The following ATP2B3 variants were observed in gnomAD, a reference collection of about 807,000 sequenced individuals.
ATP2B3 encodes the protein ATPase plasma membrane Ca2+ transporting 3.
In ATP2B3, 12 loss-of-function variants were observed where a neutral mutation model predicts 70.8. The observed-to-expected ratio is 0.17, with a 90% CI of 0.11 to 0.27. The LOEUF (loss-of-function observed/expected upper bound fraction) is 0.27, where lower values mean the gene tolerates loss of function less well. ATP2B3 is among the 10% of genes least tolerant of loss of function. The pLI is 1.00. For missense variants in ATP2B3, 858 were observed against 1,118.5 expected (o/e 0.77, Z 3.32); for synonymous variants, 460 against 497.8 (o/e 0.92, Z 1.01).
chrX:153,542,077 G>GT, intron 5 of ATP2B3, 151 bp downstream of exon 5: 1 of 385,548 alleles, frequency 2.6e-6, no homozygotes, highest in Non-Finnish European at 3.7e-6. Context: ...GGGGGTGGGG[G>GT]AGGTGGGGGA....
chrX:153,526,067 C>T (rs2090027794), intron 2 of ATP2B3, among the ~76,000 whole-genome samples: 1 of 112,589 alleles, frequency 8.9e-6, no homozygotes, highest in South Asian at 3.6e-4. Flanking sequence ...ATAGCACAAT[C>T]GTGGGAGGGG....
At chrX:153,518,929 C>T (rs1320374727) in intron 2 of ATP2B3, among the ~76,000 whole-genome samples, 1 of 111,931 alleles carries the variant, frequency 8.9e-6, no homozygotes, top group African/African-American at 3.3e-5. Flanking sequence ...AGCCTGTCCC[C>T]AACTGGCCCC....
chrX:153,532,269 C>T (rs1557002202), intron 2 of ATP2B3, among the ~76,000 whole-genome samples: 1 of 112,870 alleles, frequency 8.9e-6, no homozygotes, highest in East Asian at 2.8e-4. Flanking sequence ...GGGGTGCCCC[C>T]TACTTAGAAA....
chrX:153,538,816 C>T (rs2090234440), intron 3 of ATP2B3, among the ~76,000 whole-genome samples: 1 of 112,979 alleles, frequency 8.9e-6, no homozygotes, highest in Non-Finnish European at 1.9e-5. Flanking sequence ...GGGCAGCCGT[C>T]GGGACCCCGA....
At position 153,564,937 on chromosome X, in the gene ATP2B3, C is replaced by G; in HGVS notation, c.3176C>G (p.Pro1059Arg). ...LVWGQVIATI[P>R]TSQLKCLKEA... ...CTCCCCCAGGTCATTGCCACCATCC[C>G]CACCAGCCAGCTCAAGTGCCTGAAG... The change falls in exon 21 of 22, where the codon CCC becomes CGC. Residue 1059 changes from proline (P) to arginine (R), a missense_variant. By Grantham distance (103) the Pro-to-Arg change is moderately radical (BLOSUM62 -2). This residue lies in a region of ATP2B3 where 265 missense variants were observed against 305.3 expected (regional missense o/e 0.87). Transcript: ENST00000263519. 1.7e-6 allele frequency: 2 copies of G among 1,193,816 alleles called. No homozygotes were observed. Among genetic ancestry groups the G allele is most frequent in the Non-Finnish European group, 2.3e-6 (2 of 885,625 alleles).
At chrX:153,541,282 C>A (rs1368117309) in intron 3 of ATP2B3, 77 bp from the exon 4 acceptor site, 15 of 1,154,268 alleles carry the variant, frequency 1.3e-5, no homozygotes, top group African/African-American at 5.3e-5. Context: ...GTCAGGGCCA[C>A]ATAGGAGGCC....
intron 21 of ATP2B3, among the ~76,000 whole-genome samples, chrX:153,573,260 G>A (rs1294340426): frequency 8.9e-6 from 1 of 112,237 alleles, no homozygotes; most frequent in Non-Finnish European, 1.9e-5. Flanking sequence ...GGGCCAAACC[G>A]GGCCACGTGA....
chrX:153,544,429 T>C (rs1603058356), intron 7 of ATP2B3, among the ~76,000 whole-genome samples: 1 of 112,321 alleles, frequency 8.9e-6, no homozygotes, highest in Non-Finnish European at 1.9e-5. Flanking sequence ...CTTTCTTTTT[T>C]AAATTGACAA....
chrX:153,561,049 G>A (rs1227548984), intron 19 of ATP2B3, among the ~76,000 whole-genome samples, 162 bp downstream of exon 19: 3 of 111,612 alleles, frequency 2.7e-5, no homozygotes, highest in African/African-American at 9.8e-5. Flanking sequence ...CTCTCTGCAT[G>A]TCGGAGAGGG....
rs371381747 is a variant in ATP2B3, at chrX:153,553,078, C to T, written c.1867C>T (p.Arg623Trp). Reference sequence around the variant, plus strand: ...CAGCAATGGCGAACTCCGGGGCTTTCGGCCTCGGGACCGGGACGACATGGT... The same window carrying T: ...CAGCAATGGCGAACTCCGGGGCTTTTGGCCTCGGGACCGGGACGACATGGT... ...LNSNGELRGF[R>W]PRDRDDMVRK... The change falls in exon 13 of 22, where the codon CGG becomes TGG. Residue 623 changes from arginine to tryptophan, a missense_variant. Physicochemically the swap from Arg to Trp is moderately radical, Grantham distance 101. Coordinates refer to ENST00000263519, the MANE Select transcript of ATP2B3 (RefSeq NM_001001344.3). 16 of 1,208,097 alleles carry T rather than the reference C, an allele frequency of 1.3e-5. No individual in the cohort carries two copies. Among genetic ancestry groups the T allele is most frequent in the East Asian group, 5.9e-5 (2 of 33,702 alleles).
chrX:153,568,189 T>C (rs192849139), intron 21 of ATP2B3, among the ~76,000 whole-genome samples: 1 of 110,962 alleles, frequency 9.0e-6, no homozygotes, highest in African/African-American at 3.3e-5. Context: ...AATAAAAGAG[T>C]CCTTCAAACC....
intron 2 of ATP2B3, among the ~76,000 whole-genome samples, chrX:153,525,542 C>G: frequency 8.9e-6 from 1 of 112,377 alleles, no homozygotes; most frequent in South Asian, 3.7e-4. Context: ...AGCTCCATTT[C>G]TCCTGGAAGC....
intron 16 of ATP2B3, among the ~76,000 whole-genome samples, chrX:153,557,679 C>T (rs1257136382): frequency 8.9e-6 from 1 of 111,873 alleles, no homozygotes; most frequent in Non-Finnish European, 1.9e-5. Flanking sequence ...GCTGCGCCTC[C>T]ATGGGACAGG....
At position 153,580,152 on chromosome X, in the gene ATP2B3, GC is replaced by G. The variant is rs782513834; in HGVS notation, c.3524del (p.Pro1175ArgfsTer12). 2.5e-6 allele frequency: 3 copies of G among 1,207,676 alleles called. No homozygotes were observed. The highest frequency in any genetic ancestry group is 3.4e-6 in the Non-Finnish European group (3 of 893,187). ...GGACGAGAACGAGGAGCGCCTCCGGGCCCCCCCGCCCCCGTCCCCCAACCAG... is the reference window on the plus strand; with the variant it reads ...GGACGAGAACGAGGAGCGCCTCCGGGCCCCCCGCCCCCGTCCCCCAACCAG... ...DVDENEERLR[A>X]PPPPSPNQNN... On this transcript the variant is annotated frameshift_variant, in exon 22 of 22. Transcript: ENST00000263519. LOFTEE classifies it high-confidence loss of function.
rs782570859 is a variant in ATP2B3, at chrX:153,546,099, G to T, written c.928G>T (p.Asp310Tyr). The T allele has an allele frequency of 8.3e-7, 1 of 1,211,481 alleles. No individual in the cohort carries two copies. Among genetic ancestry groups the T allele is most frequent in the Non-Finnish European group, 1.1e-6 (1 of 895,455 alleles). ...EKKDKKGKQQ[D>Y]GAMESSQTKA... ...CTCTTCCATTGTAGGCAAGCAGCAG[G>T]ATGGGGCCATGGAGAGTAGCCAGAC... Residue 310 changes from aspartate (D) to tyrosine (Y), a missense_variant, in exon 8 of 22, where the codon GAT (aspartate) becomes TAT (tyrosine). Asp to Tyr is a radical substitution (Grantham distance 160). Around this residue, in one of 5 missense-constraint regions of ATP2B3, gnomAD observed 278 missense variants for 366.2 expected, o/e 0.76. Coordinates refer to ENST00000263519, the MANE Select transcript of ATP2B3 (RefSeq NM_001001344.3).
In ATP2B3 at chrX:153,559,845, C is replaced by T. The variant is rs1456923285; in HGVS notation, c.2742C>T (p.Tyr914=). 16 of 1,210,486 alleles carry T rather than the reference C, an allele frequency of 1.3e-5. No homozygotes were observed. The highest frequency in any genetic ancestry group is 3.0e-5 in the East Asian group (1 of 33,788). ...AGTCGCTGCTGCTGCGGAAGCCGTA[C>T]GGCCGCGACAAGCCCCTCATCTCCC... ...PTESLLLRKP[Y]GRDKPLISRT... is the part of the protein sequence containing the mutation. The change falls in exon 18 of 22, where the codon TAC becomes TAT. Residue 914 remains tyrosine, a synonymous_variant. Coordinates refer to ENST00000263519, the MANE Select transcript of ATP2B3 (RefSeq NM_001001344.3).
chrX:153,565,588 C>A (rs1000445249), intron 21 of ATP2B3, among the ~76,000 whole-genome samples: 4 of 112,405 alleles, frequency 3.6e-5, no homozygotes, highest in Non-Finnish European at 5.6e-5. Flanking sequence ...CCGAGTTGGT[C>A]CTTTCTGGTC....
At chrX:153,538,652 C>T (rs1557005193) in intron 3 of ATP2B3, among the ~76,000 whole-genome samples, 5 of 113,101 alleles carry the variant, frequency 4.4e-5, no homozygotes, top group South Asian at 7.2e-4. Flanking sequence ...GCCTCTGCTC[C>T]GGGCAGGCCG....
At position 153,573,969 on chromosome X, in the gene ATP2B3, G is replaced by A. The variant is rs59960568; in HGVS notation, c.3343-6009G>A. On this transcript the variant is annotated intron_variant, in intron 21 of 21. Transcript: ENST00000263519. ...CACACAGCCATGTCTTGTCTTTTCC[G>A]TTCTTTGGTTCAATTCCTTGGGGAA... is the stretch of plus-strand genomic sequence containing the variant. 4.8e-3 allele frequency among the ~76,000 whole-genome samples: 543 copies of A among 112,745 alleles called. 1 individual carries two copies. Among genetic ancestry groups the A allele is most frequent in the African/African-American group, 0.016 (500 of 31,113 alleles).
Sources: allele counts gnomAD v4.1 joint callset (sites outside exome capture counted in the v4.1 genomes callset), GRCh38; gene constraint gnomAD v4.1.1; regional missense constraint gnomAD v4.1.1; transcripts MANE v1.5; gene names NCBI Gene and HGNC (gene_info 2026-07-23, HGNC 2026-07-21).